The following FGF7 variants were observed in gnomAD, a reference collection of about 807,000 sequenced individuals.
FGF7 encodes the protein fibroblast growth factor 7.
Under a neutral mutation model 20.5 loss-of-function variants are expected in FGF7, and 6 were observed. The ratio of observed to expected loss-of-function variants is 0.29; its 90% CI spans 0.16 to 0.58. The LOEUF (loss-of-function observed/expected upper bound fraction) is 0.58. Ranked by LOEUF, FGF7 falls within the 20% of genes least tolerant of loss-of-function variation. The pLI is 0.90. For synonymous variants in FGF7, 64 were observed against 74.7 expected (o/e 0.86, Z 0.74); for missense variants, 144 against 228.8 (o/e 0.63, Z 2.39).
chr15:49,483,022 C>T (rs1253384475), intron 2 of FGF7, 129 bp from the exon 3 acceptor site: 1 of 680,118 alleles, frequency 1.5e-6, no homozygotes, highest in Non-Finnish European at 2.7e-6. Context: ...GGGTCTTGGG[C>T]TGAGTAAATA....
chr15:49,463,481 G>A (rs1168641185), intron 2 of FGF7, among the ~76,000 whole-genome samples: 1 of 151,104 alleles, frequency 6.6e-6, no homozygotes, highest in Non-Finnish European at 1.5e-5. Context: ...AACCCGGAAG[G>A]CAGAGGTTTC....
At chr15:49,476,212 G>GTTTTTTTTTTTTTTTTTTTTTTTTTT (rs1567351529) in intron 2 of FGF7, among the ~76,000 whole-genome samples, 1 of 81,248 alleles carries the variant, frequency 1.2e-5, no homozygotes, top group Admixed American at 1.3e-4. Context: ...TTATTTTGCT[G>GTTTTTTTTTTTTTTTTTTTTTTTTTT]TTTTGTTTTT....
intron 2 of FGF7, among the ~76,000 whole-genome samples, chr15:49,428,164 G>A (rs1366112590): frequency 2.0e-5 from 3 of 151,908 alleles, no homozygotes; most frequent in Non-Finnish European, 4.4e-5. Context: ...GACAGAAGCT[G>A]CTACTAGAGA....
chr15:49,476,589 T>C (rs2055341577), intron 2 of FGF7, among the ~76,000 whole-genome samples: 1 of 134,038 alleles, frequency 7.5e-6, no homozygotes, highest in African/African-American at 3.1e-5. Context: ...ACCAAAGACA[T>C]TTTTAATAGT....
chr15:49,463,881 A>G (rs2054026098), intron 2 of FGF7, among the ~76,000 whole-genome samples: 1 of 152,088 alleles, frequency 6.6e-6, no homozygotes. Context: ...CGTTTTTTAG[A>G]CTACTTCAAA....
Position 49,426,799 on chromosome 15 carries a change from A to G in FGF7, c.286+2216A>G, listed in dbSNP as rs139096296. ...CCAGTGTACTAAAAAGACAAGATAC[A>G]CATCATGTAAATAATTTTTACTTCT... On this transcript the variant is annotated intron_variant, in intron 2 of 3. Coordinates refer to ENST00000267843, the MANE Select transcript of FGF7 (RefSeq NM_002009.4). 6.6e-5 allele frequency among the ~76,000 whole-genome samples: 10 copies of G among 152,086 alleles called. No individual in the cohort carries two copies. In the East Asian group the frequency reaches 1.7e-3, roughly 26 times the overall value.
intron 2 of FGF7, among the ~76,000 whole-genome samples, chr15:49,467,409 A>G (rs976749876): frequency 6.6e-6 from 1 of 152,126 alleles, no homozygotes; most frequent in Non-Finnish European, 1.5e-5. Context: ...ATTTATGCAT[A>G]GGTGTTAACT....
At chr15:49,459,664 C>T (rs1250796619) in intron 2 of FGF7, among the ~76,000 whole-genome samples, 1 of 152,080 alleles carries the variant, frequency 6.6e-6, no homozygotes, top group Non-Finnish European at 1.5e-5. Context: ...CTATAGTTCT[C>T]TACACTATTA....
At chr15:49,473,604 A>G (rs2054984728) in intron 2 of FGF7, among the ~76,000 whole-genome samples, 1 of 152,120 alleles carries the variant, frequency 6.6e-6, no homozygotes, top group Non-Finnish European at 1.5e-5. Flanking sequence ...GGAGGGGTAT[A>G]ATGACTCTCT....
At chr15:49,434,349 T>C (rs2050892326) in intron 2 of FGF7, 1 of 151,482 alleles carries the variant, frequency 6.6e-6, no homozygotes, top group Non-Finnish European at 1.5e-5. Flanking sequence ...AAGAATGCAA[T>C]AGTAAGCAAA....
intron 2 of FGF7, among the ~76,000 whole-genome samples, chr15:49,476,431 A>G (rs1260159183): frequency 2.6e-5 from 4 of 151,928 alleles, no homozygotes; most frequent in Non-Finnish European, 5.9e-5. Flanking sequence ...GAGATACTGT[A>G]CACTTAACAA....
chr15:49,479,209 TGCC>T, intron 2 of FGF7, among the ~76,000 whole-genome samples: 1 of 151,976 alleles, frequency 6.6e-6, no homozygotes, highest in Non-Finnish European at 1.5e-5. Flanking sequence ...CTTGACATAT[TGCC>T]TGGTTTTTCA....
chr15:49,434,590 T>G (rs763011047), intron 2 of FGF7: 8 of 151,672 alleles, frequency 5.3e-5, no homozygotes, highest in Non-Finnish European at 8.9e-5. Flanking sequence ...GTAACAGTAC[T>G]GCAAGATTGG....
rs575900328 is a variant in FGF7 at position 49,436,305 on chromosome 15, A to G, written c.286+11722A>G. 4.4e-4 allele frequency among the ~76,000 whole-genome samples: 67 copies of G among 151,730 alleles called. No homozygotes were observed. The Middle Eastern group carries it at 0.014, about 31-fold the overall frequency. Reference sequence around the variant, plus strand: ...GTCAGTTAACTTACAAAGATTAGATATTGCATAGTAGGTCTGATGAGTCCA... The same window carrying G: ...GTCAGTTAACTTACAAAGATTAGATGTTGCATAGTAGGTCTGATGAGTCCA... On this transcript the variant is annotated intron_variant, in intron 2 of 3. Coordinates refer to ENST00000267843, the MANE Select transcript of FGF7 (RefSeq NM_002009.4).
chr15:49,462,181 C>G (rs183845924), intron 2 of FGF7, among the ~76,000 whole-genome samples: 9 of 152,058 alleles, frequency 5.9e-5, no homozygotes, highest in Admixed American at 5.9e-4. Context: ...GTGTGAGGAT[C>G]TGGGATGACT....
chr15:49,432,614 C>T (rs1206664137), intron 2 of FGF7, among the ~76,000 whole-genome samples: 9 of 151,526 alleles, frequency 5.9e-5, no homozygotes, highest in Non-Finnish European at 8.9e-5. Flanking sequence ...AAGAACTAAA[C>T]GAAGTTGCCA....
intron 2 of FGF7, among the ~76,000 whole-genome samples, chr15:49,481,295 T>C (rs2055921601): frequency 6.6e-6 from 1 of 152,236 alleles, no homozygotes; most frequent in African/African-American, 2.4e-5. Context: ...TTATTCCATT[T>C]TGGAGGTATT....
chr15:49,445,998 C>G (rs931595755), intron 2 of FGF7, among the ~76,000 whole-genome samples: 4 of 151,352 alleles, frequency 2.6e-5, no homozygotes, highest in African/African-American at 9.7e-5. Flanking sequence ...TGAATTTTTT[C>G]CTTACTGGAA....
chr15:49,470,171 T>C (rs1453639308), intron 2 of FGF7, among the ~76,000 whole-genome samples: 1 of 152,086 alleles, frequency 6.6e-6, no homozygotes, highest in East Asian at 1.9e-4. Context: ...TTACTGTAGA[T>C]TGTAAATTAA....
Sources: allele counts gnomAD v4.1 joint callset (sites outside exome capture counted in the v4.1 genomes callset), GRCh38; gene constraint gnomAD v4.1.1; transcripts MANE v1.5; gene names NCBI Gene and HGNC (gene_info 2026-07-23, HGNC 2026-07-21).